TMEM132B: variants seen among roughly 807,000 people sequenced by gnomAD.
TMEM132B encodes transmembrane protein 132B.
In TMEM132B, 18 loss-of-function variants were observed where a neutral mutation model predicts 90.8. The ratio of observed to expected loss-of-function variants is 0.20; its 90% CI spans 0.14 to 0.29. TMEM132B has a LOEUF of 0.29. TMEM132B is among the 10% of genes least tolerant of loss of function. TMEM132B has a pLI of 1.00. For missense variants in TMEM132B, 1,096 were observed against 1,326.8 expected, an observed-to-expected ratio of 0.83 and a Z score of 2.70; for synonymous variants, 504 against 523.3, an observed-to-expected ratio of 0.96 and a Z score of 0.50.
chr12:125,443,425 A>C (rs1275713480), intron 3 of TMEM132B, among the ~76,000 whole-genome samples: 1 of 152,138 alleles, frequency 6.6e-6, no homozygotes, highest in Non-Finnish European at 1.5e-5. Flanking sequence ...CAGAGTCAGA[A>C]AACTTCATGA....
At chr12:125,572,185 G>A (rs1425255820) in intron 4 of TMEM132B, among the ~76,000 whole-genome samples, 1 of 152,194 alleles carries the variant, frequency 6.6e-6, no homozygotes, top group Non-Finnish European at 1.5e-5. Flanking sequence ...CCCATTGCTA[G>A]TGATGTTGTC....
At position 125,350,000 on chromosome 12, in the gene TMEM132B, G is replaced by C. The variant is rs1160228966; in HGVS notation, c.616G>C (p.Glu206Gln). ...PEWFSSGLDL[E>Q]PEEEIPALLG... ...GTGGTTCAGCTCAGGCCTGGACCTG[G>C]AACCAGAGGAGGAGATCCCAGCCCT... Residue 206 changes from glutamate to glutamine, a missense_variant, in exon 2 of 9, where the codon GAA (glutamate) becomes CAA (glutamine). Coordinates refer to ENST00000682704, the MANE Select transcript of TMEM132B (RefSeq NM_001366854.1). The surrounding 1 kb of genome is among the most constrained non-coding windows in gnomAD (Gnocchi z 4.1). 1 of 1,614,200 alleles carries C rather than the reference G, an allele frequency of 6.2e-7. No individual in the cohort carries two copies. The highest frequency in any genetic ancestry group is 8.5e-7 in the Non-Finnish European group (1 of 1,180,038).
At chr12:125,484,193 C>G (rs1186954584) in intron 3 of TMEM132B, among the ~76,000 whole-genome samples, 12 of 152,172 alleles carry the variant, frequency 7.9e-5, no homozygotes, top group African/African-American at 2.9e-4. Context: ...AGCCACTGTG[C>G]CTTGCTTACA....
At chr12:125,239,456 T>C (rs1874014518) in intron 1 of TMEM132B, among the ~76,000 whole-genome samples, 1 of 152,178 alleles carries the variant, frequency 6.6e-6, no homozygotes, top group South Asian at 2.1e-4. Context: ...AATGGTTGGA[T>C]CCAGGAACTT....
chr12:125,420,006 G>C (rs1032721977), intron 3 of TMEM132B, among the ~76,000 whole-genome samples: 4 of 152,232 alleles, frequency 2.6e-5, no homozygotes, highest in Admixed American at 2.6e-4. Flanking sequence ...GGTTCCCATG[G>C]TCTTGGGCAA....
In TMEM132B at chr12:125,662,277, T is replaced by C. The variant is rs1887221244; in HGVS notation, c.*7567T>C. On this transcript the variant is annotated 3_prime_UTR_variant, in exon 9 of 9. Transcript: ENST00000682704. ...CATTATATTACCTATGGTTTCAGTA[T>C]GATCTGTTGTGTATGTTCCACCGTA... 6.6e-6 allele frequency: 1 copy of C among 152,238 alleles called. No homozygotes were observed. The highest frequency in any genetic ancestry group is 2.4e-5 in the African/African-American group (1 of 41,462). 9.4% of individuals were successfully genotyped at this position (152,238 alleles called of 1,614,324 possible).
At chr12:125,500,577 A>G (rs111330404) in intron 3 of TMEM132B, among the ~76,000 whole-genome samples, 3,519 of 152,318 alleles carry the variant, frequency 0.023, 75 homozygotes, top group African/African-American at 0.052. Context: ...TGCAGAGGGT[A>G]AGGCATGGAG....
chr12:125,439,862 C>A (rs1880817800), intron 3 of TMEM132B, among the ~76,000 whole-genome samples: 1 of 152,090 alleles, frequency 6.6e-6, no homozygotes, highest in African/African-American at 2.4e-5. Context: ...AGTTTTTTGA[C>A]AGTTTTGAGC....
chr12:125,320,393 C>G lies in TMEM132B; in HGVS notation c.68-29059C>G, dbSNP rs1369059227. 2.6e-5 allele frequency among the ~76,000 whole-genome samples: 4 copies of G among 152,130 alleles called. No individual in the cohort carries two copies. The East Asian group carries it at 7.7e-4, about 29-fold the overall frequency. Reference sequence around the variant, plus strand: ...CTGAGAAAATTAATTTTTATTCTACCATAACGGTGGCTGTAATAATCTGGG... The same window carrying G: ...CTGAGAAAATTAATTTTTATTCTACGATAACGGTGGCTGTAATAATCTGGG... On this transcript the variant is annotated intron_variant, in intron 1 of 8. Coordinates refer to ENST00000682704, the MANE Select transcript of TMEM132B (RefSeq NM_001366854.1).
At chr12:125,548,218 C>G (rs1268086976) in intron 4 of TMEM132B, among the ~76,000 whole-genome samples, 1 of 152,150 alleles carries the variant, frequency 6.6e-6, no homozygotes, top group African/African-American at 2.4e-5. Flanking sequence ...GGCTGACAGT[C>G]CCACATGTCA....
chr12:125,604,059 C>T (rs1437210935), intron 5 of TMEM132B, among the ~76,000 whole-genome samples: 3 of 152,106 alleles, frequency 2.0e-5, no homozygotes, highest in African/African-American at 7.2e-5. Flanking sequence ...GGATCTAGAA[C>T]CAGAAATACC....
intron 1 of TMEM132B, among the ~76,000 whole-genome samples, chr12:125,291,810 T>C (rs934457815): frequency 6.6e-6 from 1 of 152,216 alleles, no homozygotes; most frequent in African/African-American, 2.4e-5. Context: ...ATGTGCCATT[T>C]GTAGAGGTAC....
At chr12:125,527,404 C>A (rs1332561263) in intron 4 of TMEM132B, among the ~76,000 whole-genome samples, 1 of 143,520 alleles carries the variant, frequency 7.0e-6, no homozygotes, top group South Asian at 2.4e-4. Flanking sequence ...ACCCATCCAG[C>A]CTTCCATCCA....
chr12:125,468,767 TATTCAATGGTTTTA>T (rs1182992039), intron 3 of TMEM132B, among the ~76,000 whole-genome samples: 1 of 152,228 alleles, frequency 6.6e-6, no homozygotes, highest in Non-Finnish European at 1.5e-5. Context: ...TTAATTTATT[TATTCAATGGTTTTA>T]AAAAAAATTT....
At chr12:125,508,828 G>T (rs1400643492) in intron 3 of TMEM132B, among the ~76,000 whole-genome samples, 2 of 149,558 alleles carry the variant, frequency 1.3e-5, no homozygotes, top group Non-Finnish European at 3.0e-5. Context: ...GCCCAGCCTG[G>T]AGTGCAGTGG....
intron 5 of TMEM132B, among the ~76,000 whole-genome samples, chr12:125,610,109 G>T (rs1885790901): frequency 6.6e-6 from 1 of 151,586 alleles, no homozygotes; most frequent in Admixed American, 6.6e-5. Flanking sequence ...TGCTGAATTT[G>T]TTCATTGGTT....
At chr12:125,564,819 C>G (rs1268907949) in intron 4 of TMEM132B, among the ~76,000 whole-genome samples, 1 of 152,220 alleles carries the variant, frequency 6.6e-6, no homozygotes, top group Non-Finnish European at 1.5e-5. Context: ...ACAAACATAT[C>G]TGAGAGACAG....
chr12:125,241,909 C>T lies in TMEM132B; in HGVS notation c.67+55043C>T, dbSNP rs547369473. ...CACCTGTTCAAGGGAGGTCTCCTTC[C>T]TGCAAATGAAATCGGACTAGAAGGC... On this transcript the variant is annotated intron_variant, in intron 1 of 8. Coordinates refer to ENST00000682704, the MANE Select transcript of TMEM132B (RefSeq NM_001366854.1). Among the ~76,000 whole-genome samples the T allele has an allele frequency of 2.1e-3, 319 of 152,256 alleles. 6 individuals are homozygous for T. The highest frequency in any genetic ancestry group is 6.8e-3 in the Middle Eastern group (2 of 294).
chr12:125,604,308 A>T (rs1885637990), intron 5 of TMEM132B, among the ~76,000 whole-genome samples: 3 of 152,212 alleles, frequency 2.0e-5, no homozygotes, highest in Admixed American at 1.3e-4. Context: ...GACATGGATG[A>T]AGCTGGAAGC....
Sources: allele counts gnomAD v4.1 joint callset (sites outside exome capture counted in the v4.1 genomes callset), GRCh38; gene constraint gnomAD v4.1.1; non-coding constraint Gnocchi (gnomAD v3.1); transcripts MANE v1.5; gene names NCBI Gene and HGNC (gene_info 2026-07-23, HGNC 2026-07-21).